The following PCDHA11 variants were observed in gnomAD, a reference collection of about 807,000 sequenced individuals.
PCDHA11 encodes protocadherin alpha 11.
In PCDHA11, 61 loss-of-function variants were observed where a neutral mutation model predicts 70.3. The observed-to-expected ratio is 0.87, with a 90% CI of 0.71 to 1.07. The LOEUF is 1.07. PCDHA11 is among the 50% of genes least tolerant of loss of function. The pLI is 0.00. For synonymous variants in PCDHA11, 633 were observed against 555.1 expected (o/e 1.14, Z -1.97); for missense variants, 1,324 against 1,237.5 (o/e 1.07, Z -1.05).
chr5:140,927,656 T>C (rs782201050), intron 1 of PCDHA11: 4 of 1,613,938 alleles, frequency 2.5e-6, no homozygotes, highest in Non-Finnish European at 3.4e-6. Flanking sequence ...TTATTCCGAG[T>C]TCAAGCCTTG....
In PCDHA11 at chr5:140,870,273, C is replaced by T; in HGVS notation, c.1170C>T (p.Pro390=). The change falls in exon 1 of 4, where the codon CCC becomes CCT. Residue 390 remains proline (P), a synonymous_variant. Transcript: ENST00000398640. The part of the protein sequence containing the change: ...VNGQVTCSLT[P]HVPFKLVSTF... The stretch of plus-strand genomic sequence containing the variant: ...GACAGGTGACCTGCTCGCTGACGCC[C>T]CACGTTCCCTTCAAGCTGGTGTCCA... 10 of 1,614,192 alleles carry T rather than the reference C, an allele frequency of 6.2e-6. No individual in the cohort carries two copies. Among genetic ancestry groups the T allele is most frequent in the Non-Finnish European group, 8.5e-6 (10 of 1,180,038 alleles).
rs200121350 is a variant in PCDHA11 at position 140,876,941 on chromosome 5, T to C, written c.2391+5447T>C. The C allele has an allele frequency of 7.9e-5, 128 of 1,613,666 alleles. No individual in the cohort carries two copies. The Middle Eastern group carries it at 1.4e-3, about 17-fold the overall frequency. ...GCGGACGCGCAGAAGAACGCGCTGGTGTCCTACTCGCTGGTGGAGCGGCGG... is the reference window on the plus strand; with the variant it reads ...GCGGACGCGCAGAAGAACGCGCTGGCGTCCTACTCGCTGGTGGAGCGGCGG... On this transcript the variant is annotated intron_variant, in intron 1 of 3. Coordinates refer to ENST00000398640, the MANE Select transcript of PCDHA11 (RefSeq NM_018902.5).
intron 1 of PCDHA11, chr5:140,969,237 C>T (rs1278018540): frequency 6.2e-7 from 1 of 1,614,156 alleles, no homozygotes; most frequent in African/African-American, 1.3e-5. Flanking sequence ...GGAGCCCAAG[C>T]AGCAGTGACT....
At chr5:141,006,375 CTAAG>C (rs2098270775) in intron 3 of PCDHA11, among the ~76,000 whole-genome samples, 1 of 151,930 alleles carries the variant, frequency 6.6e-6, no homozygotes, top group Admixed American at 6.6e-5. Flanking sequence ...CCACGCCCGG[CTAAG>C]TTTTTTCTAT....
chr5:141,000,395 C>CTCTA (rs1213762225), intron 3 of PCDHA11, among the ~76,000 whole-genome samples: 16 of 53,972 alleles, frequency 3.0e-4, no homozygotes, highest in East Asian at 6.1e-4. Context: ...CTCTCTCTCT[C>CTCTA]TATATATATA....
At chr5:140,884,169 C>CG (rs2153400955) in intron 1 of PCDHA11, 1 of 1,613,426 alleles carries the variant, frequency 6.2e-7, no homozygotes, top group East Asian at 2.2e-5. Context: ...ATCAGCACGA[C>CG]GCGCCCTCTG....
chr5:140,927,481 G>T, intron 1 of PCDHA11: 1 of 1,614,072 alleles, frequency 6.2e-7, no homozygotes, highest in Non-Finnish European at 8.5e-7. Context: ...CGAACAGCGC[G>T]CCACCCACCT....
intron 1 of PCDHA11, among the ~76,000 whole-genome samples, chr5:140,881,799 C>A (rs368456285): frequency 3.3e-5 from 5 of 152,282 alleles, no homozygotes; most frequent in Admixed American, 2.0e-4. Flanking sequence ...TGTCCCAAAA[C>A]GAGTGTCGAA....
intron 1 of PCDHA11, among the ~76,000 whole-genome samples, chr5:140,901,849 A>AT (rs1167488433): frequency 2.0e-5 from 3 of 151,932 alleles, no homozygotes; most frequent in Non-Finnish European, 4.4e-5. Context: ...ATATCTTTCC[A>AT]TTTTTTTGTG....
intron 3 of PCDHA11, among the ~76,000 whole-genome samples, chr5:141,001,711 A>G (rs1167965864): frequency 1.3e-5 from 2 of 152,222 alleles, no homozygotes; most frequent in South Asian, 2.1e-4. Context: ...GGGGGCGGGG[A>G]AGGAGCTTGA....
At chr5:140,898,816 C>T (rs1216644860) in intron 1 of PCDHA11, among the ~76,000 whole-genome samples, 5 of 152,148 alleles carry the variant, frequency 3.3e-5, no homozygotes, top group African/African-American at 1.2e-4. Context: ...TTCTTCCTAC[C>T]CATGAGCATG....
intron 1 of PCDHA11, chr5:140,930,059 A>G (rs1486359495): frequency 6.6e-6 from 1 of 152,200 alleles, no homozygotes; most frequent in Non-Finnish European, 1.5e-5. Flanking sequence ...TTGCTTACAC[A>G]AAAACTGTAA....
rs1190027185 is a variant in PCDHA11, at chr5:140,882,058, C to T, written c.2391+10564C>T. On this transcript the variant is annotated intron_variant, in intron 1 of 3. Transcript: ENST00000398640. ...GAAGACTGAGTCATACTTACACTTA[C>T]ACGTTCATGCGCATGGTGTCGCTCT... is the stretch of plus-strand genomic sequence containing the variant. 1.0e-5 allele frequency: 8 copies of T among 794,854 alleles called. No individual in the cohort carries two copies. The Admixed American group carries it at 2.4e-4, about 24-fold the overall frequency. The allele number at this position is 794,854 out of a possible 1,614,324, so 49.2% of individuals were successfully genotyped here.
At position 141,010,553 on chromosome 5, in the gene PCDHA11, C is replaced by T; in HGVS notation, c.*616C>T. ...CCACCCTCTAGGAGACAAAACTACC[C>T]CCACTGACAAGGCTTTAGGAGACCC... is the stretch of plus-strand genomic sequence containing the variant. On this transcript the variant is annotated 3_prime_UTR_variant, in exon 4 of 4. Transcript: ENST00000398640. The T allele has an allele frequency of 6.2e-6, 2 of 323,850 alleles. No homozygotes were observed. The highest frequency in any genetic ancestry group is 1.1e-5 in the Non-Finnish European group (2 of 176,368). 20.1% of individuals were successfully genotyped at this position (323,850 alleles called of 1,614,324 possible). A position where few individuals can be genotyped will look rare whatever the true frequency, so the allele number is the denominator to read the frequency against.
chr5:140,946,611 A>AATAT (rs1554217734), intron 1 of PCDHA11, among the ~76,000 whole-genome samples: 1,089 of 86,784 alleles, frequency 0.013, 135 homozygotes, highest in African/African-American at 0.062. Flanking sequence ...GAAAATGTGA[A>AATAT]ATATATATAT....
intron 1 of PCDHA11, among the ~76,000 whole-genome samples, chr5:140,932,553 C>T (rs1288415511): frequency 6.6e-6 from 1 of 151,798 alleles, no homozygotes; most frequent in African/African-American, 2.4e-5. Context: ...AACATACATT[C>T]CACAAGTAGA....
At chr5:140,926,483 A>C (rs1261469017) in intron 1 of PCDHA11, 4 of 168,788 alleles carry the variant, frequency 2.4e-5, no homozygotes, top group East Asian at 1.7e-4. Flanking sequence ...TAAGGAGAGA[A>C]GTGTTAGTGT....
At chr5:140,924,968 C>T (rs1376675912) in intron 1 of PCDHA11, among the ~76,000 whole-genome samples, 1 of 150,880 alleles carries the variant, frequency 6.6e-6, no homozygotes, top group Non-Finnish European at 1.5e-5. Context: ...AAGGTGAGTG[C>T]AGTGGCTCAT....
At chr5:140,969,578 G>A (rs2096343344) in intron 1 of PCDHA11, 2 of 957,378 alleles carry the variant, frequency 2.1e-6, no homozygotes, top group Admixed American at 5.9e-5. Context: ...TGAGAAGTGA[G>A]GATTAGTCTT....
Sources: gnomAD v4.1 joint callset for allele counts (sites outside exome capture counted in the v4.1 genomes callset) on GRCh38, gnomAD v4.1.1 for gene constraint, MANE v1.5 for transcripts, NCBI Gene and HGNC (gene_info 2026-07-23, HGNC 2026-07-21) for gene names.